Variants in HUNK observed in about 807,000 individuals in gnomAD.
The protein encoded by HUNK is hormonally up-regulated Neu-associated kinase.
In HUNK, 21 loss-of-function variants were observed where a neutral mutation model predicts 61.0. The ratio of observed to expected loss-of-function variants is 0.34; its 90% CI spans 0.24 to 0.50. The LOEUF is 0.50. Ranked by LOEUF, HUNK falls within the 20% of genes least tolerant of loss-of-function variation. The probability of loss-of-function intolerance (pLI) is 0.98; values close to 1 mark genes in which losing one functional copy is unlikely to be tolerated. For synonymous variants in HUNK, 371 were observed against 386.1 expected (o/e 0.96, Z 0.46); for missense variants, 772 against 945.7 (o/e 0.82, Z 2.41).
chr21:31,920,893 T>C (rs140919955), intron 1 of HUNK, among the ~76,000 whole-genome samples: 81 of 152,310 alleles, frequency 5.3e-4, no homozygotes, highest in Non-Finnish European at 9.0e-4. Flanking sequence ...GGCTCATTCC[T>C]ATAATCCCCG....
At chr21:31,980,632 C>T (rs796732976) in intron 7 of HUNK, among the ~76,000 whole-genome samples, 1 of 150,136 alleles carries the variant, frequency 6.7e-6, no homozygotes, top group Non-Finnish European at 1.5e-5. Context: ...CTCTTGACCT[C>T]GTGATCTGCC....
rs1358474298 is a variant in HUNK, at chr21:32,002,839, A to C, written c.*3655A>C. On this transcript the variant is annotated 3_prime_UTR_variant, in exon 11 of 11. Coordinates refer to ENST00000270112, the MANE Select transcript of HUNK (RefSeq NM_014586.2). ...AAGCCTTAGAGGGTGACATAGCTAG[A>C]AAGTGGAGAAGCTCACTGTTCACTG... 6.6e-6 allele frequency: 1 copy of C among 152,254 alleles called. No homozygotes were observed. The highest frequency in any genetic ancestry group is 1.5e-5 in the Non-Finnish European group (1 of 68,052). 9.4% of individuals were successfully genotyped at this position (152,254 alleles called of 1,614,324 possible).
rs765301879 is a variant in HUNK at position 31,974,673 on chromosome 21, A to G, written c.1129A>G (p.Ile377Val). Residue 377 changes from isoleucine (I) to valine (V), a missense_variant, in exon 7 of 11, where the codon ATC (isoleucine) becomes GTC (valine). Around this residue, in one of 2 missense-constraint regions of HUNK, gnomAD observed 413 missense variants for 444.4 expected, o/e 0.93. Transcript: ENST00000270112. ...LSNRACHILA[I>V]YFLLNKKLER... ...CAACCGCGCCTGCCACATCCTGGCC[A>G]TCTACTTCCTCTTAAACAAGAAACT... 1.2e-6 allele frequency: 2 copies of G among 1,614,018 alleles called. No homozygotes were observed. The highest frequency in any genetic ancestry group is 1.7e-6 in the Non-Finnish European group (2 of 1,179,972).
chr21:31,988,679 C>CT (rs36078251), intron 8 of HUNK, among the ~76,000 whole-genome samples: 4 of 145,946 alleles, frequency 2.7e-5, no homozygotes, highest in Non-Finnish European at 6.1e-5. Context: ...CTTTCTCTTT[C>CT]TTTTCTTTTT....
intron 1 of HUNK, among the ~76,000 whole-genome samples, chr21:31,911,085 T>C (rs1042180420): frequency 1.3e-5 from 2 of 152,224 alleles, no homozygotes; most frequent in African/African-American, 2.4e-5. Context: ...ACTTAGCCCA[T>C]AACAGATTCT....
chr21:31,888,700 A>G (rs1194642198), intron 1 of HUNK, among the ~76,000 whole-genome samples: 1 of 152,080 alleles, frequency 6.6e-6, no homozygotes, highest in African/African-American at 2.4e-5. Context: ...AGATTGTGCC[A>G]TTGTACTCCA....
At chr21:31,912,108 G>A (rs146075145) in intron 1 of HUNK, among the ~76,000 whole-genome samples, 10 of 152,238 alleles carry the variant, frequency 6.6e-5, no homozygotes, top group East Asian at 5.8e-4. Context: ...GGGGTTGGCC[G>A]TGGCCATGCA....
intron 8 of HUNK, among the ~76,000 whole-genome samples, chr21:31,989,877 C>T (rs1156922733): frequency 2.0e-5 from 3 of 152,004 alleles, no homozygotes; most frequent in African/African-American, 7.3e-5. Context: ...CATTGAGCTG[C>T]TGACTTATCA....
At chr21:31,927,591 C>T (rs537173447) in intron 2 of HUNK, among the ~76,000 whole-genome samples, 2 of 152,108 alleles carry the variant, frequency 1.3e-5, no homozygotes, top group East Asian at 3.9e-4. Flanking sequence ...TTGCAGTGAG[C>T]CGAGATCACG....
At chr21:31,967,962 C>A (rs112402481) in intron 5 of HUNK, among the ~76,000 whole-genome samples, 4,417 of 152,184 alleles carry the variant, frequency 0.029, 224 homozygotes, top group African/African-American at 0.099. Flanking sequence ...CCAGTTGCTC[C>A]CCTTGGACAG....
At chr21:31,880,780 T>TTGTG (rs1274759233) in intron 1 of HUNK, among the ~76,000 whole-genome samples, 2 of 152,012 alleles carry the variant, frequency 1.3e-5, no homozygotes, top group Non-Finnish European at 2.9e-5. Flanking sequence ...CAGTATTGGG[T>TTGTG]TGTGGCAAGC....
At chr21:31,953,155 G>A (rs2052863206) in intron 4 of HUNK, among the ~76,000 whole-genome samples, 3 of 152,234 alleles carry the variant, frequency 2.0e-5, no homozygotes, top group South Asian at 2.1e-4. Flanking sequence ...TGGAAACTCC[G>A]GGGGAGAGGA....
intron 1 of HUNK, among the ~76,000 whole-genome samples, chr21:31,885,889 C>T (rs1037365493): frequency 1.3e-5 from 2 of 152,178 alleles, no homozygotes; most frequent in East Asian, 1.9e-4. Flanking sequence ...CACGCGCCAC[C>T]ATACCCACCT....
At chr21:31,928,671 A>C (rs1259244998) in intron 2 of HUNK, among the ~76,000 whole-genome samples, 1 of 152,208 alleles carries the variant, frequency 6.6e-6, no homozygotes, top group Non-Finnish European at 1.5e-5. Context: ...ATAGGTGATT[A>C]GGTGGTTGAG....
chr21:31,970,741 C>G (rs1456926688), intron 6 of HUNK, among the ~76,000 whole-genome samples: 1 of 152,198 alleles, frequency 6.6e-6, no homozygotes, highest in Non-Finnish European at 1.5e-5. Flanking sequence ...TCTTCATTCA[C>G]AAAGAATTAC....
chr21:31,972,207 G>A (rs891898735), intron 6 of HUNK, among the ~76,000 whole-genome samples: 2 of 152,108 alleles, frequency 1.3e-5, no homozygotes, highest in African/African-American at 4.8e-5. Context: ...CTGGTGGGAG[G>A]GGAGGAGGTC....
chr21:31,955,069 G>T (rs7275454), intron 4 of HUNK, among the ~76,000 whole-genome samples: 1 of 151,774 alleles, frequency 6.6e-6, no homozygotes, highest in African/African-American at 2.4e-5. Context: ...TTACAGGTGT[G>T]AGCCATTGCG....
At chr21:31,981,997 C>T (rs970712438) in intron 7 of HUNK, among the ~76,000 whole-genome samples, 1 of 152,132 alleles carries the variant, frequency 6.6e-6, no homozygotes, top group African/African-American at 2.4e-5. Context: ...GTTTGCTGCA[C>T]AGATCAACCC....
intron 1 of HUNK, among the ~76,000 whole-genome samples, chr21:31,875,019 A>C (rs995327534): frequency 1.3e-5 from 2 of 152,154 alleles, no homozygotes; most frequent in Non-Finnish European, 2.9e-5. Flanking sequence ...TCTCGGGCTC[A>C]AGACTGCCCC....
Sources: allele counts gnomAD v4.1 joint callset (sites outside exome capture counted in the v4.1 genomes callset), GRCh38; gene constraint gnomAD v4.1.1; regional missense constraint gnomAD v4.1.1; transcripts MANE v1.5; gene names NCBI Gene and HGNC (gene_info 2026-07-23, HGNC 2026-07-21).